CCL22: variants seen among roughly 807,000 people sequenced by gnomAD.
CCL22 encodes the protein C-C motif chemokine 22.
Under a neutral mutation model 7.6 loss-of-function variants are expected in CCL22, and 7 were observed. That is an observed-to-expected ratio of 0.92 (90% CI 0.52 to 1.72). The LOEUF (loss-of-function observed/expected upper bound fraction) is 1.72. Ranked by LOEUF, CCL22 falls within the 40% of genes most tolerant of loss-of-function variation. The pLI, the probability that CCL22 is intolerant of heterozygous loss-of-function variation, is 0.00. For synonymous variants in CCL22, 55 were observed against 47.2 expected (o/e 1.17, Z -0.68); for missense variants, 115 against 124.7 (o/e 0.92, Z 0.37).
In CCL22 at chr16:57,363,854, A is replaced by C; in HGVS notation, c.*266A>C. On this transcript the variant is annotated 3_prime_UTR_variant, in exon 3 of 3. Transcript: ENST00000219235. ...ATTCCCCTGCTTAAACCCTTCCATGACTCCCCACTGCCCTAAGCTGAGGTC... is the reference window on the plus strand; with the variant it reads ...ATTCCCCTGCTTAAACCCTTCCATGCCTCCCCACTGCCCTAAGCTGAGGTC... 1 of 390,658 alleles carries C rather than the reference A, an allele frequency of 2.6e-6. No homozygotes were observed. Among genetic ancestry groups the C allele is most frequent in the Non-Finnish European group, 4.7e-6 (1 of 210,946 alleles). 24.2% of individuals were successfully genotyped at this position (390,658 alleles called of 1,614,324 possible). A position where few individuals can be genotyped will look rare whatever the true frequency, so the allele number is the denominator to read the frequency against.
chr16:57,363,710 C>T lies in CCL22; in HGVS notation c.*122C>T, dbSNP rs1902074626. 1 of 681,212 alleles carries T rather than the reference C, an allele frequency of 1.5e-6. No individual in the cohort carries two copies. The allele number at this position is 681,212 out of a possible 1,614,324, so 42.2% of individuals were successfully genotyped here. A position where few individuals can be genotyped will look rare whatever the true frequency, so the allele number is the denominator to read the frequency against. On this transcript the variant is annotated 3_prime_UTR_variant, in exon 3 of 3. Transcript: ENST00000219235. The stretch of plus-strand genomic sequence containing the variant: ...CCAACTCTCTGCATTCCCTGATCTC[C>T]ATCCCTGTGGCTGTCACCCTTGGTC...
intron 2 of CCL22, among the ~76,000 whole-genome samples, chr16:57,361,016 T>G (rs1302650679): frequency 6.6e-6 from 1 of 152,104 alleles, no homozygotes; most frequent in Non-Finnish European, 1.5e-5. Flanking sequence ...TCCCAGCACT[T>G]TGGGAGGCCG....
rs950623536 is a variant in CCL22 at position 57,365,581 on chromosome 16, G to A, written c.*1993G>A. 6.6e-6 allele frequency: 1 copy of A among 152,218 alleles called. No individual in the cohort carries two copies. Among genetic ancestry groups the A allele is most frequent in the Non-Finnish European group, 1.5e-5 (1 of 68,102 alleles). 9.4% of individuals were successfully genotyped at this position (152,218 alleles called of 1,614,324 possible). ...TCTCAGGTGGTTGGGCCAGGCTAAA[G>A]ACTGGGATTTGGGTCTATCTATGCC... is the stretch of plus-strand genomic sequence containing the variant. On this transcript the variant is annotated 3_prime_UTR_variant, in exon 3 of 3. Coordinates refer to ENST00000219235, the MANE Select transcript of CCL22 (RefSeq NM_002990.5).
intron 1 of CCL22, among the ~76,000 whole-genome samples, chr16:57,360,024 G>A (rs1902030775): frequency 6.6e-6 from 1 of 152,178 alleles, no homozygotes; most frequent in Non-Finnish European, 1.5e-5. Context: ...GTTGGGTGGA[G>A]GAGTGAGCAC....
In CCL22 at chr16:57,360,566, T is replaced by A. The variant is rs1298150251; in HGVS notation, c.197+6T>A. On this transcript the variant is annotated splice_donor_region_variant and intron_variant, in intron 2 of 2. Transcript: ENST00000219235. ...TGCCCGAGGCCTGGCGTGGTGTGAG[T>A]AGGGAGCTGGGGCCACAGGGCCTTG... The A allele has an allele frequency of 6.2e-7, 1 of 1,613,772 alleles. No homozygotes were observed. Among genetic ancestry groups the A allele is most frequent in the Non-Finnish European group, 8.5e-7 (1 of 1,179,918 alleles).
chr16:57,364,801 C>CCCT lies in CCL22; in HGVS notation c.*1215_*1216insTCC, dbSNP rs1567550230. On this transcript the variant is annotated 3_prime_UTR_variant, in exon 3 of 3. Transcript: ENST00000219235. ...GCCTCTTCCCTCTCCCCACCCCCCC[C>CCCT]CCAACTTTTTTTTTTTTTTATGGCA... 2 of 84,040 alleles carry CCCT rather than the reference C, an allele frequency of 2.4e-5. No individual in the cohort carries two copies. The highest frequency in any genetic ancestry group is 8.1e-5 in the African/African-American group (2 of 24,578). 5.2% of individuals were successfully genotyped at this position (84,040 alleles called of 1,614,324 possible).
intron 2 of CCL22, 25 bp downstream of exon 2, chr16:57,360,585 G>C: frequency 1.2e-6 from 2 of 1,613,750 alleles, no homozygotes; most frequent in Non-Finnish European, 1.7e-6. Flanking sequence ...GGGGCCACAG[G>C]GCCTTGGTGG....
upstream of CCL22, among the ~76,000 whole-genome samples, chr16:57,357,918 G>A (rs566898747): frequency 1.3e-5 from 2 of 152,282 alleles, no homozygotes; most frequent in East Asian, 1.9e-4. Context: ...ACAGGAGCCC[G>A]GGACCTGCCT....
At chr16:57,363,326 G>C (rs1239070553) in intron 2 of CCL22, among the ~76,000 whole-genome samples, 178 bp from the exon 3 acceptor site, 1 of 152,096 alleles carries the variant, frequency 6.6e-6, no homozygotes, top group Non-Finnish European at 1.5e-5. Flanking sequence ...TCACACCACA[G>C]GTGGCTTGTA....
upstream of CCL22, chr16:57,358,623 G>A (rs1047598538): frequency 1.6e-5 from 9 of 579,076 alleles, no homozygotes; most frequent in South Asian, 5.8e-5. Flanking sequence ...GTGGTTCCCC[G>A]CCAAAGAGAA....
chr16:57,363,846 C>T lies in CCL22; in HGVS notation c.*258C>T. 2.3e-6 allele frequency: 1 copy of T among 431,708 alleles called. No homozygotes were observed. Among genetic ancestry groups the T allele is most frequent in the South Asian group, 2.9e-5 (1 of 33,926 alleles). 26.7% of individuals were successfully genotyped at this position (431,708 alleles called of 1,614,324 possible). A position where few individuals can be genotyped will look rare whatever the true frequency, so the allele number is the denominator to read the frequency against. The stretch of plus-strand genomic sequence containing the variant: ...CATCAGCGATTCCCCTGCTTAAACC[C>T]TTCCATGACTCCCCACTGCCCTAAG... On this transcript the variant is annotated 3_prime_UTR_variant, in exon 3 of 3. Transcript: ENST00000219235.
In CCL22 at chr16:57,364,356, C is replaced by G. The variant is rs1902081153; in HGVS notation, c.*768C>G. On this transcript the variant is annotated 3_prime_UTR_variant, in exon 3 of 3. Transcript: ENST00000219235. ...CAAAATCAATAAAACTAATGTCCCT[C>G]CCCTCTCCCTGCCAAAAGGCAGTTA... is the stretch of plus-strand genomic sequence containing the variant. 6.6e-6 allele frequency: 1 copy of G among 152,284 alleles called. No individual in the cohort carries two copies. The highest frequency in any genetic ancestry group is 1.5e-5 in the Non-Finnish European group (1 of 68,112). 9.4% of individuals were successfully genotyped at this position (152,284 alleles called of 1,614,324 possible).
rs1474948420 is a variant in CCL22 at position 57,365,410 on chromosome 16, T to C, written c.*1822T>C. ...GCCAAATAGATGAATGGAAGAATTT[T>C]AGGAACTGTGAGAGGGGGACAAGGT... On this transcript the variant is annotated 3_prime_UTR_variant, in exon 3 of 3. Transcript: ENST00000219235. 6.6e-6 allele frequency: 1 copy of C among 152,248 alleles called. No individual in the cohort carries two copies. The highest frequency in any genetic ancestry group is 2.4e-5 in the African/African-American group (1 of 41,444). The allele number at this position is 152,248 out of a possible 1,614,324, so 9.4% of individuals were successfully genotyped here.
chr16:57,365,229 C>T lies in CCL22; in HGVS notation c.*1641C>T, dbSNP rs2146501126. 6.6e-6 allele frequency: 1 copy of T among 152,362 alleles called. No homozygotes were observed. The highest frequency in any genetic ancestry group is 1.9e-4 in the East Asian group (1 of 5,192). 9.4% of individuals were successfully genotyped at this position (152,362 alleles called of 1,614,324 possible). A position where few individuals can be genotyped will look rare whatever the true frequency, so the allele number is the denominator to read the frequency against. On this transcript the variant is annotated 3_prime_UTR_variant, in exon 3 of 3. Coordinates refer to ENST00000219235, the MANE Select transcript of CCL22 (RefSeq NM_002990.5). ...GTCCTCCAACCTCCAATACCCAGGC[C>T]TGGCCTCTTCAGAGTACCCCCCATT...
rs1250945148 is a variant in CCL22, at chr16:57,366,101, C to T, written c.*2513C>T. On this transcript the variant is annotated 3_prime_UTR_variant, in exon 3 of 3. Coordinates refer to ENST00000219235, the MANE Select transcript of CCL22 (RefSeq NM_002990.5). The stretch of plus-strand genomic sequence containing the variant: ...GACGAATCTGCCTACTGCCCATGAA[C>T]GGGGCCCTCAAGCGTCCTGGGATCT... The T allele has an allele frequency of 1.3e-5, 2 of 152,464 alleles. No homozygotes were observed. Among genetic ancestry groups the T allele is most frequent in the African/African-American group, 2.4e-5 (1 of 41,464 alleles). The allele number at this position is 152,464 out of a possible 1,614,324, so 9.4% of individuals were successfully genotyped here.
Position 57,363,811 on chromosome 16 carries a change from G to A in CCL22, c.*223G>A. On this transcript the variant is annotated 3_prime_UTR_variant, in exon 3 of 3. Coordinates refer to ENST00000219235, the MANE Select transcript of CCL22 (RefSeq NM_002990.5). Reference sequence around the variant, plus strand: ...CTGCCTCCCTCCCTGCAGTCAGAGGGTCCTGTTCCCATCAGCGATTCCCCT... The same window carrying A: ...CTGCCTCCCTCCCTGCAGTCAGAGGATCCTGTTCCCATCAGCGATTCCCCT... 1.9e-6 allele frequency: 1 copy of A among 529,888 alleles called. No homozygotes were observed. The highest frequency in any genetic ancestry group is 2.3e-5 in the South Asian group (1 of 43,948). 32.8% of individuals were successfully genotyped at this position (529,888 alleles called of 1,614,324 possible).
chr16:57,362,793 G>A (rs377513966), intron 2 of CCL22, among the ~76,000 whole-genome samples: 1 of 152,034 alleles, frequency 6.6e-6, no homozygotes, highest in Non-Finnish European at 1.5e-5. Context: ...CCCAGGAGTT[G>A]GAGGTTGCAG....
At chr16:57,362,085 A>G (rs1902055623) in intron 2 of CCL22, among the ~76,000 whole-genome samples, 1 of 151,996 alleles carries the variant, frequency 6.6e-6, no homozygotes, top group Non-Finnish European at 1.5e-5. Flanking sequence ...TGCCATCGTG[A>G]CCCCCTTTTC....
At chr16:57,359,175 A>AG (rs1330169003) in intron 1 of CCL22, among the ~76,000 whole-genome samples, 5 of 151,980 alleles carry the variant, frequency 3.3e-5, no homozygotes, top group Non-Finnish European at 7.4e-5. Flanking sequence ...ATAGGGCCCT[A>AG]GGGGTGTGGG....
Sources: allele counts gnomAD v4.1 joint callset (sites outside exome capture counted in the v4.1 genomes callset), GRCh38; gene constraint gnomAD v4.1.1; transcripts MANE v1.5; gene names NCBI Gene and HGNC (gene_info 2026-07-23, HGNC 2026-07-21).